The following MKX variants were observed in gnomAD, a reference collection of about 807,000 sequenced individuals.
The protein encoded by MKX is mohawk homeobox.
MKX carries 13 observed loss-of-function variants against 36.0 expected under a neutral mutation model. The observed-to-expected ratio is 0.36, with a 90% CI of 0.24 to 0.57. The LOEUF (loss-of-function observed/expected upper bound fraction) is 0.57, where lower values mean the gene tolerates loss of function less well. MKX is among the 20% of genes least tolerant of loss of function. The probability of loss-of-function intolerance (pLI) is 0.79; values close to 1 mark genes in which losing one functional copy is unlikely to be tolerated. For missense variants in MKX, 458 were observed against 456.4 expected (o/e 1.00, Z -0.03); for synonymous variants, 176 against 178.3 (o/e 0.99, Z 0.10).
At chr10:27,745,338 T>C (rs1835029169) in intron 1 of MKX, 1 of 152,362 alleles carries the variant, frequency 6.6e-6, no homozygotes, top group African/African-American at 2.4e-5. Flanking sequence ...TCGCAAGGGG[T>C]CCGGGGGCGT....
chr10:27,694,564 G>A (rs1024099558), intron 5 of MKX, among the ~76,000 whole-genome samples: 4 of 147,382 alleles, frequency 2.7e-5, no homozygotes, highest in East Asian at 2.0e-4. Context: ...AGTGTGTGGC[G>A]GGCGCCTGTA....
At chr10:27,724,370 G>A (rs572455399) in intron 5 of MKX, among the ~76,000 whole-genome samples, 1 of 152,286 alleles carries the variant, frequency 6.6e-6, no homozygotes, top group East Asian at 1.9e-4. Flanking sequence ...CCACTGCTAA[G>A]GTGCTGCCCA....
At chr10:27,713,810 A>G (rs557977859) in intron 5 of MKX, among the ~76,000 whole-genome samples, 2 of 152,148 alleles carry the variant, frequency 1.3e-5, no homozygotes, top group East Asian at 1.9e-4. Context: ...TTACAATTCA[A>G]CCGTGGATAC....
At position 27,694,042 on chromosome 10, in the gene MKX, GTGCCTTT is replaced by G. The variant is rs1290389990; in HGVS notation, c.839-18495_839-18489del. On this transcript the variant is annotated intron_variant, in intron 5 of 6. Coordinates refer to ENST00000419761, the MANE Select transcript of MKX (RefSeq NM_173576.3). ...TTCTTTTGCCTGCTGCCATGAAAATGTGCCTTTTGCCTTTTGCCATGATTGTGAGGCC... is the reference window on the plus strand; with the variant it reads ...TTCTTTTGCCTGCTGCCATGAAAATGTGCCTTTTGCCATGATTGTGAGGCC... Among the ~76,000 whole-genome samples, 5 of 152,146 alleles carry G rather than the reference GTGCCTTT, an allele frequency of 3.3e-5. No homozygotes were observed. The East Asian group carries it at 9.7e-4, about 29-fold the overall frequency.
At chr10:27,743,728 C>G (rs976962765) in intron 1 of MKX, among the ~76,000 whole-genome samples, 1 of 152,158 alleles carries the variant, frequency 6.6e-6, no homozygotes, top group African/African-American at 2.4e-5. Flanking sequence ...ATCGATCCCC[C>G]CAATCCCTTC....
At chr10:27,715,642 G>A (rs1564358835) in intron 5 of MKX, among the ~76,000 whole-genome samples, 1 of 152,298 alleles carries the variant, frequency 6.6e-6, no homozygotes, top group East Asian at 1.9e-4. Context: ...TGAGGCTTGA[G>A]TAAGAAAATA....
chr10:27,676,274 T>C (rs1836147231), intron 5 of MKX, among the ~76,000 whole-genome samples: 1 of 126,324 alleles, frequency 7.9e-6, no homozygotes, highest in Non-Finnish European at 1.6e-5. Flanking sequence ...ACCCTGTCTC[T>C]AAGAAAATTA....
chr10:27,678,961 G>A (rs1015635346), intron 5 of MKX, among the ~76,000 whole-genome samples: 3 of 152,178 alleles, frequency 2.0e-5, no homozygotes, highest in African/African-American at 7.2e-5. Context: ...TCTTAATTGG[G>A]TTTTACAAAT....
intron 5 of MKX, among the ~76,000 whole-genome samples, chr10:27,685,605 C>T (rs1476417453): frequency 2.6e-5 from 4 of 151,936 alleles, no homozygotes; most frequent in Non-Finnish European, 4.4e-5. Flanking sequence ...CCCGCCACCA[C>T]GCCTGGCTAA....
chr10:27,697,914 C>T (rs1048728184), intron 5 of MKX, among the ~76,000 whole-genome samples: 2 of 152,154 alleles, frequency 1.3e-5, no homozygotes, highest in Admixed American at 1.3e-4. Context: ...GAAGAGACCC[C>T]AAGCAATTGC....
intron 5 of MKX, among the ~76,000 whole-genome samples, chr10:27,681,050 C>A (rs1483123282): frequency 6.6e-6 from 1 of 152,200 alleles, no homozygotes; most frequent in Non-Finnish European, 1.5e-5. Context: ...ACGACAGTGG[C>A]CCATAAGATT....
Position 27,720,322 on chromosome 10 carries a change from G to GA in MKX, c.838+14133dup, listed in dbSNP as rs199857626. On this transcript the variant is annotated intron_variant, in intron 5 of 6. Transcript: ENST00000419761. ...TAAAACTGTGCAAGGAGACCATTAGGAAAAAAAAAAAGAAAGCTAAAGACA... is the reference window on the plus strand; with the variant it reads ...TAAAACTGTGCAAGGAGACCATTAGGAAAAAAAAAAAAGAAAGCTAAAGACA... Among the ~76,000 whole-genome samples the GA allele has an allele frequency of 8.9e-3, 1,249 of 140,488 alleles. 10 individuals carry two copies. The highest frequency in any genetic ancestry group is 0.02 in the African/African-American group (787 of 38,426). 92.2% of individuals were successfully genotyped at this position (140,488 alleles called of 152,430 possible). A position where few individuals can be genotyped will look rare whatever the true frequency, so the allele number is the denominator to read the frequency against.
At chr10:27,693,281 C>A (rs1468055319) in intron 5 of MKX, among the ~76,000 whole-genome samples, 1 of 152,140 alleles carries the variant, frequency 6.6e-6, no homozygotes, top group Non-Finnish European at 1.5e-5. Context: ...AAAAATTAAA[C>A]ATAGCAGGTC....
chr10:27,723,509 G>A (rs1335725887), intron 5 of MKX, among the ~76,000 whole-genome samples: 4 of 152,174 alleles, frequency 2.6e-5, no homozygotes, highest in Non-Finnish European at 5.9e-5. Context: ...AATTAGCAAA[G>A]GCTGTGTGGA....
intron 2 of MKX, 89 bp downstream of exon 2, chr10:27,743,139 G>T: frequency 3.1e-6 from 4 of 1,272,640 alleles, no homozygotes; most frequent in Non-Finnish European, 4.1e-6. Flanking sequence ...CCGTCCACCC[G>T]CCCGCGTTGC....
chr10:27,742,063 G>A lies in MKX; in HGVS notation c.189-559C>T, dbSNP rs1834911530. ...TATTTCCTTTGATCTTTTAGGAAAA[G>A]GGGGAAACTTTCTAAAGGAGTTGGT... On this transcript the variant is annotated intron_variant, in intron 2 of 6. Coordinates refer to ENST00000419761, the MANE Select transcript of MKX (RefSeq NM_173576.3). The surrounding 1 kb of genome is among the most constrained non-coding windows in gnomAD (Gnocchi z 4.2). Among the ~76,000 whole-genome samples, 1 of 152,250 alleles carries A rather than the reference G, an allele frequency of 6.6e-6. No individual in the cohort carries two copies. Among genetic ancestry groups the A allele is most frequent in the Non-Finnish European group, 1.5e-5 (1 of 68,044 alleles).
intron 3 of MKX, among the ~76,000 whole-genome samples, chr10:27,735,713 T>C (rs2132643555): frequency 6.6e-6 from 1 of 152,320 alleles, no homozygotes; most frequent in South Asian, 2.1e-4. Context: ...ATTAAAATGA[T>C]ACGAGTCCAA....
intron 4 of MKX, 83 bp downstream of exon 4, chr10:27,735,138 G>T: frequency 7.5e-7 from 1 of 1,340,660 alleles, no homozygotes. Context: ...CATATTTTGT[G>T]AGAGCAACCT....
In MKX at chr10:27,742,769, G is replaced by C. The variant is rs557310645; in HGVS notation, c.188+459C>G. Among the ~76,000 whole-genome samples the C allele has an allele frequency of 1.5e-3, 230 of 152,198 alleles. 1 individual carries two copies. The highest frequency in any genetic ancestry group is 6.8e-3 in the Middle Eastern group (2 of 294). ...CGACCTTCCCGACTCCTTGGGCCAG[G>C]CGAGCCGCGGGGCTCTGGCGAGGGG... On this transcript the variant is annotated intron_variant, in intron 2 of 6. Transcript: ENST00000419761. The surrounding 1 kb of genome is among the most constrained non-coding windows in gnomAD (Gnocchi z 4.2).
Sources: allele counts gnomAD v4.1 joint callset (sites outside exome capture counted in the v4.1 genomes callset), GRCh38; gene constraint gnomAD v4.1.1; non-coding constraint Gnocchi (gnomAD v3.1); transcripts MANE v1.5; gene names NCBI Gene and HGNC (gene_info 2026-07-23, HGNC 2026-07-21).